Variants in JPH1 observed in about 807,000 individuals in gnomAD.
JPH1 encodes the protein junctophilin-1.
In JPH1, 12 loss-of-function variants were observed where a neutral mutation model predicts 53.6. The observed-to-expected ratio is 0.22, with a 90% CI of 0.14 to 0.36. JPH1 has a LOEUF of 0.36. Among genes scored for constraint, JPH1 ranks in the 10% least tolerant of loss-of-function variants. The pLI is 1.00. For missense variants in JPH1, 808 were observed against 905.5 expected (o/e 0.89, Z 1.38); for synonymous variants, 375 against 363.8 (o/e 1.03, Z -0.35).
At chr8:74,270,124 A>G (rs928564126) in intron 2 of JPH1, among the ~76,000 whole-genome samples, 2 of 152,100 alleles carry the variant, frequency 1.3e-5, no homozygotes, top group African/African-American at 4.8e-5. Context: ...CTGACCTTCA[A>G]ATGAAAGAAC....
At chr8:74,319,309 C>T (rs1239594297) in intron 1 of JPH1, among the ~76,000 whole-genome samples, 2 of 152,102 alleles carry the variant, frequency 1.3e-5, no homozygotes, top group African/African-American at 4.8e-5. Context: ...AAATAATGCA[C>T]ACATTTAAAA....
chr8:74,278,658 A>G (rs894412424), intron 2 of JPH1, among the ~76,000 whole-genome samples: 2 of 152,176 alleles, frequency 1.3e-5, no homozygotes, highest in African/African-American at 4.8e-5. Context: ...ACCCGGACTA[A>G]TGCACTTATG....
chr8:74,303,821 G>C (rs58912900), intron 2 of JPH1, among the ~76,000 whole-genome samples: 1 of 152,124 alleles, frequency 6.6e-6, no homozygotes, highest in Non-Finnish European at 1.5e-5. Context: ...TGCAGCCAGA[G>C]TGATCTTTCT....
chr8:74,282,364 C>T (rs1027791839), intron 2 of JPH1, among the ~76,000 whole-genome samples: 4 of 152,166 alleles, frequency 2.6e-5, no homozygotes, highest in African/African-American at 9.7e-5. Flanking sequence ...TAAAATATTA[C>T]ACTTGGAGCG....
At chr8:74,277,919 C>T (rs1315110336) in intron 2 of JPH1, among the ~76,000 whole-genome samples, 1 of 152,088 alleles carries the variant, frequency 6.6e-6, no homozygotes, top group East Asian at 1.9e-4. Context: ...CTGATATCAA[C>T]CCAGCCATAG....
chr8:74,274,845 T>C (rs1278849400), intron 2 of JPH1, among the ~76,000 whole-genome samples: 2 of 152,162 alleles, frequency 1.3e-5, no homozygotes, highest in African/African-American at 2.4e-5. Context: ...CTAACACACA[T>C]GATGCTGATA....
intron 2 of JPH1, among the ~76,000 whole-genome samples, chr8:74,272,600 C>CT (rs765158506): frequency 0.021 from 2,324 of 112,618 alleles, 35 homozygotes; most frequent in African/African-American, 0.036. Flanking sequence ...ACCCTTAGTT[C>CT]TTTTTTTTTT....
intron 2 of JPH1, among the ~76,000 whole-genome samples, chr8:74,287,943 T>A (rs1341901603): frequency 6.6e-6 from 1 of 151,876 alleles, no homozygotes; most frequent in African/African-American, 2.4e-5. Context: ...AATATGTACT[T>A]GTTTTAGCTG....
rs1179279987 is a variant in JPH1, at chr8:74,320,074, C to T, written c.379+835G>A. Among the ~76,000 whole-genome samples the T allele has an allele frequency of 6.6e-6, 1 of 152,150 alleles. No individual in the cohort carries two copies. The highest frequency in any genetic ancestry group is 1.5e-5 in the Non-Finnish European group (1 of 68,016). On this transcript the variant is annotated intron_variant, in intron 1 of 5. Coordinates refer to ENST00000342232, the MANE Select transcript of JPH1 (RefSeq NM_020647.4). This position sits in a 1 kb window ranked among gnomAD's most constrained non-coding sequence, Gnocchi z 4.4. The stretch of plus-strand genomic sequence containing the variant: ...ATGCAAATTATTGTTTCAGTATTGC[C>T]ATTCTCAGGAGTAGTAGCTGCTAAC...
intron 3 of JPH1, among the ~76,000 whole-genome samples, chr8:74,258,541 T>C (rs1027376503): frequency 1.3e-5 from 2 of 152,240 alleles, no homozygotes; most frequent in African/African-American, 4.8e-5. Context: ...ATTTCTTCCA[T>C]TGTGACATGC....
rs188790800 is a variant in JPH1 at position 74,313,572 on chromosome 8, T to C, written c.1139+1289A>G. On this transcript the variant is annotated intron_variant, in intron 2 of 5. Transcript: ENST00000342232. ...AGAGGAATTAAAAAAAAAAGAACTC[T>C]AGAAGTACTAAGTTGAACCATATGA... Among the ~76,000 whole-genome samples the C allele has an allele frequency of 2.3e-4, 35 of 151,708 alleles. No individual in the cohort carries two copies. In the East Asian group the frequency reaches 5.6e-3, roughly 24 times the overall value.
At chr8:74,255,092 T>A (rs893120481) in intron 3 of JPH1, among the ~76,000 whole-genome samples, 1 of 152,138 alleles carries the variant, frequency 6.6e-6, no homozygotes, top group South Asian at 2.1e-4. Context: ...GCCAAGTCAA[T>A]CCTAAGCCAA....
intron 3 of JPH1, among the ~76,000 whole-genome samples, chr8:74,252,769 T>C (rs931799012): frequency 2.6e-5 from 4 of 151,994 alleles, no homozygotes; most frequent in Non-Finnish European, 5.9e-5. Context: ...AAACAGACTA[T>C]AAACCAACAA....
intron 4 of JPH1, among the ~76,000 whole-genome samples, chr8:74,243,954 AC>A (rs1399123700): frequency 9.8e-5 from 15 of 152,336 alleles, no homozygotes; most frequent in African/African-American, 3.6e-4. Context: ...ATTCTCTTGA[AC>A]TGTTGGAAAT....
chr8:74,284,462 C>T (rs1399387323), intron 2 of JPH1, among the ~76,000 whole-genome samples: 1 of 152,086 alleles, frequency 6.6e-6, no homozygotes, highest in Non-Finnish European at 1.5e-5. Context: ...AGTCAGACTT[C>T]TCTGCTGAAA....
At chr8:74,304,660 T>C (rs978835928) in intron 2 of JPH1, among the ~76,000 whole-genome samples, 32 of 304 alleles carry the variant, frequency 0.11, no homozygotes, top group South Asian at 0.36. Flanking sequence ...ATGGCATTGA[T>C]AGGGTTTCTA....
At chr8:74,307,168 C>G (rs916288381) in intron 2 of JPH1, among the ~76,000 whole-genome samples, 4 of 152,158 alleles carry the variant, frequency 2.6e-5, no homozygotes, top group Non-Finnish European at 5.9e-5. Context: ...CTTCCTGTTT[C>G]CTTCCTCACT....
Position 74,320,617 on chromosome 8 carries a change from C to T in JPH1, c.379+292G>A, listed in dbSNP as rs1163575777. ...CAACCCTCCCGGGCGGCGCTCCCTCCCGGTGGCAGCGCAGCGCTGGCGCCG... is the reference window on the plus strand; with the variant it reads ...CAACCCTCCCGGGCGGCGCTCCCTCTCGGTGGCAGCGCAGCGCTGGCGCCG... On this transcript the variant is annotated intron_variant, in intron 1 of 5. Coordinates refer to ENST00000342232, the MANE Select transcript of JPH1 (RefSeq NM_020647.4). The surrounding 1 kb of genome is among the most constrained non-coding windows in gnomAD (Gnocchi z 4.4). 6.6e-6 allele frequency among the ~76,000 whole-genome samples: 1 copy of T among 152,144 alleles called. No individual in the cohort carries two copies. Among genetic ancestry groups the T allele is most frequent in the Non-Finnish European group, 1.5e-5 (1 of 68,006 alleles).
intron 3 of JPH1, among the ~76,000 whole-genome samples, chr8:74,247,829 A>G (rs1245413063): frequency 6.6e-6 from 1 of 152,220 alleles, no homozygotes; most frequent in Non-Finnish European, 1.5e-5. Context: ...TGTATTAAGA[A>G]ATTGTAACAT....
Sources: allele counts gnomAD v4.1 joint callset (sites outside exome capture counted in the v4.1 genomes callset), GRCh38; gene constraint gnomAD v4.1.1; non-coding constraint Gnocchi (gnomAD v3.1); transcripts MANE v1.5; gene names NCBI Gene and HGNC (gene_info 2026-07-23, HGNC 2026-07-21).